EXOC6: variants seen among roughly 807,000 people sequenced by gnomAD.
EXOC6 encodes the protein exocyst complex component 6.
EXOC6 carries 60 observed loss-of-function variants against 112.5 expected under a neutral mutation model. That is an observed-to-expected ratio of 0.53 (90% CI 0.43 to 0.66). The LOEUF is 0.66. Ranked by LOEUF, EXOC6 falls within the 30% of genes least tolerant of loss-of-function variation. The pLI, the probability that EXOC6 is intolerant of heterozygous loss-of-function variation, is 0.00. For synonymous variants in EXOC6, 295 were observed against 308.0 expected (o/e 0.96, Z 0.44); for missense variants, 855 against 957.1 (o/e 0.89, Z 1.41).
rs1219535853 is a variant in EXOC6, at chr10:92,909,691, C to T, written c.663+60C>T. 3 of 1,011,572 alleles carry T rather than the reference C, an allele frequency of 3.0e-6. No individual in the cohort carries two copies. In the African/African-American group the frequency reaches 4.9e-5, roughly 17 times the overall value. The allele number at this position is 1,011,572 out of a possible 1,614,324, so 62.7% of individuals were successfully genotyped here. On this transcript the variant is annotated intron_variant, in intron 6 of 21. Coordinates refer to ENST00000260762, the MANE Select transcript of EXOC6 (RefSeq NM_019053.6). ...TAGTAATACAGGATCTGGAAAATAT[C>T]CAAGGTTTACTTCTTTAACTTACAT...
intron 20 of EXOC6, among the ~76,000 whole-genome samples, chr10:93,047,165 G>C (rs1846033314): frequency 1.3e-5 from 2 of 152,200 alleles, no homozygotes; most frequent in Admixed American, 6.5e-5. Flanking sequence ...GAGGCAAAGG[G>C]AATAGGCAAG....
At chr10:93,020,044 T>A (rs835257) in intron 20 of EXOC6, among the ~76,000 whole-genome samples, 19,690 of 152,158 alleles carry the variant, frequency 0.13, 1,432 homozygotes, top group African/African-American at 0.18. Flanking sequence ...TAGTATAATT[T>A]GTATTTGATT....
chr10:92,888,235 TA>T lies in EXOC6; in HGVS notation c.102-5105del, dbSNP rs953153638. On this transcript the variant is annotated intron_variant, in intron 1 of 21. Coordinates refer to ENST00000260762, the MANE Select transcript of EXOC6 (RefSeq NM_019053.6). ...TGGAGGGTGGGTATTGCATATATTC[TA>T]AAAAAAAATATTGTTTTTCTCCATT... Among the ~76,000 whole-genome samples, 6 of 151,536 alleles carry T rather than the reference TA, an allele frequency of 4.0e-5. No homozygotes were observed. In the East Asian group the frequency reaches 9.7e-4, roughly 24 times the overall value.
At chr10:93,048,526 A>G (rs1215082291) in intron 20 of EXOC6, among the ~76,000 whole-genome samples, 1 of 152,116 alleles carries the variant, frequency 6.6e-6, no homozygotes, top group Non-Finnish European at 1.5e-5. Context: ...AGCATGGCAC[A>G]TGTATACATA....
intron 1 of EXOC6, among the ~76,000 whole-genome samples, chr10:92,881,728 C>G (rs930418458): frequency 1.3e-5 from 2 of 152,086 alleles, no homozygotes; most frequent in Admixed American, 6.6e-5. Context: ...ATTATAGTTC[C>G]CATAATCCCC....
intron 1 of EXOC6, among the ~76,000 whole-genome samples, chr10:92,890,821 A>G (rs1849464719): frequency 6.6e-6 from 1 of 152,206 alleles, no homozygotes; most frequent in African/African-American, 2.4e-5. Flanking sequence ...CAGTGAGGTA[A>G]CAAGAGGCAA....
intron 17 of EXOC6, among the ~76,000 whole-genome samples, chr10:92,960,363 G>C (rs1049602771): frequency 6.6e-6 from 1 of 152,132 alleles, no homozygotes; most frequent in African/African-American, 2.4e-5. Flanking sequence ...GAGTGGTGGA[G>C]GGATAACTAA....
chr10:92,934,998 A>T (rs1852267432), intron 11 of EXOC6, among the ~76,000 whole-genome samples: 1 of 152,170 alleles, frequency 6.6e-6, no homozygotes, highest in Non-Finnish European at 1.5e-5. Context: ...TAGTCAGTGT[A>T]GGCCTTTTTA....
chr10:93,017,658 C>T (rs930385212), intron 20 of EXOC6, among the ~76,000 whole-genome samples: 3 of 152,052 alleles, frequency 2.0e-5, no homozygotes, highest in Admixed American at 6.6e-5. Flanking sequence ...AAATCTCAGA[C>T]TTCACCACTA....
intron 19 of EXOC6, among the ~76,000 whole-genome samples, chr10:93,008,660 G>A (rs1844103574): frequency 6.6e-6 from 1 of 152,062 alleles, no homozygotes. Context: ...GAATTATTGG[G>A]ACCATAGACA....
intron 20 of EXOC6, among the ~76,000 whole-genome samples, chr10:93,033,660 T>C (rs1358857845): frequency 6.6e-6 from 1 of 152,218 alleles, no homozygotes; most frequent in African/African-American, 2.4e-5. Context: ...AATTAAGCGT[T>C]TGTTAGTGGA....
chr10:92,928,807 A>G (rs938144792), intron 9 of EXOC6, among the ~76,000 whole-genome samples: 2 of 152,240 alleles, frequency 1.3e-5, no homozygotes, highest in African/African-American at 4.8e-5. Context: ...AAGACAAGAA[A>G]CTAAGTGAAT....
chr10:93,043,229 C>T (rs1266031818), intron 20 of EXOC6, among the ~76,000 whole-genome samples: 1 of 152,150 alleles, frequency 6.6e-6, no homozygotes, highest in Admixed American at 6.6e-5. Context: ...GCCACCGCGC[C>T]CAGCTACAAT....
chr10:92,897,943 A>G (rs555903625), intron 4 of EXOC6, among the ~76,000 whole-genome samples: 1 of 152,192 alleles, frequency 6.6e-6, no homozygotes, highest in South Asian at 2.1e-4. Context: ...ACATGTTTTC[A>G]GGACTTCTGA....
At chr10:92,902,938 A>G (rs1589800244) in intron 5 of EXOC6, among the ~76,000 whole-genome samples, 1 of 152,104 alleles carries the variant, frequency 6.6e-6, no homozygotes, top group Non-Finnish European at 1.5e-5. Flanking sequence ...TTATCTATCC[A>G]TTAGTTGCTA....
intron 9 of EXOC6, among the ~76,000 whole-genome samples, chr10:92,933,915 G>T (rs192599466): frequency 2.0e-5 from 3 of 152,222 alleles, no homozygotes; most frequent in East Asian, 3.9e-4. Flanking sequence ...TGAGAAGGGG[G>T]TTCTGAAATC....
chr10:92,892,741 A>C (rs1039808912), intron 1 of EXOC6, among the ~76,000 whole-genome samples: 2 of 152,198 alleles, frequency 1.3e-5, no homozygotes, highest in African/African-American at 4.8e-5. Flanking sequence ...AGTAGGAATG[A>C]ATATGCCATG....
chr10:92,841,734 G>C (rs1429454385), intron 1 of EXOC6, among the ~76,000 whole-genome samples: 1 of 152,098 alleles, frequency 6.6e-6, no homozygotes, highest in Non-Finnish European at 1.5e-5. Flanking sequence ...GGACAGTTTT[G>C]CTTATTTAGT....
chr10:92,955,537 A>G (rs779103999), intron 16 of EXOC6, 43 bp from the exon 17 acceptor site: 2 of 1,507,184 alleles, frequency 1.3e-6, no homozygotes, highest in African/African-American at 1.4e-5. Context: ...GATTTTACAT[A>G]CATGTAACCT....
Sources: allele counts gnomAD v4.1 joint callset (sites outside exome capture counted in the v4.1 genomes callset), GRCh38; gene constraint gnomAD v4.1.1; transcripts MANE v1.5; gene names NCBI Gene and HGNC (gene_info 2026-07-23, HGNC 2026-07-21).